The following B3GNT2 variants were observed in gnomAD, a reference collection of about 807,000 sequenced individuals.
B3GNT2 encodes the protein UDP-GlcNAc:betaGal beta-1,3-N-acetylglucosaminyltransferase 2, also known as N-acetyllactosaminide beta-1,3-N-acetylglucosaminyltransferase 2.
B3GNT2 carries 12 observed loss-of-function variants against 27.6 expected under a neutral mutation model. The ratio of observed to expected loss-of-function variants is 0.44; its 90% CI spans 0.28 to 0.71. The LOEUF (loss-of-function observed/expected upper bound fraction) is 0.71, where lower values mean the gene tolerates loss of function less well. B3GNT2 is among the 30% of genes least tolerant of loss of function. B3GNT2 has a pLI of 0.17. For missense variants in B3GNT2, 413 were observed against 488.5 expected (o/e 0.85, Z 1.46); for synonymous variants, 192 against 189.7 (o/e 1.01, Z -0.10).
chr2:62,223,571 G>C lies in B3GNT2; in HGVS notation c.*157G>C. The C allele has an allele frequency of 1.6e-6, 1 of 629,988 alleles. No homozygotes were observed. Among genetic ancestry groups the C allele is most frequent in the Non-Finnish European group, 2.7e-6 (1 of 364,998 alleles). 39.0% of individuals were successfully genotyped at this position (629,988 alleles called of 1,614,324 possible). A position where few individuals can be genotyped will look rare whatever the true frequency, so the allele number is the denominator to read the frequency against. ...CTAAACCCTTCAATTTGGTACTCAC[G>C]TGAAGAGGGAAAGCGGAAGATGGTA... On this transcript the variant is annotated 3_prime_UTR_variant, in exon 2 of 2. Transcript: ENST00000301998.
intron 1 of B3GNT2, among the ~76,000 whole-genome samples, chr2:62,204,340 C>T (rs1391229899): frequency 6.6e-6 from 1 of 152,228 alleles, no homozygotes; most frequent in African/African-American, 2.4e-5. Context: ...AAGCACTTAA[C>T]ATCCAACTGG....
chr2:62,207,992 A>C (rs751242813), intron 1 of B3GNT2, among the ~76,000 whole-genome samples: 1 of 152,188 alleles, frequency 6.6e-6, no homozygotes, highest in Non-Finnish European at 1.5e-5. Flanking sequence ...AGTGGAACTA[A>C]GTGGTGGGGA....
At chr2:62,198,857 T>C (rs1296461126) in intron 1 of B3GNT2, among the ~76,000 whole-genome samples, 1 of 152,246 alleles carries the variant, frequency 6.6e-6, no homozygotes, top group Non-Finnish European at 1.5e-5. Context: ...TGAAGAGAAA[T>C]ATGCAGGGCT....
intron 1 of B3GNT2, among the ~76,000 whole-genome samples, chr2:62,200,775 G>C (rs144045943): frequency 5.9e-5 from 9 of 152,210 alleles, no homozygotes; most frequent in Non-Finnish European, 1.3e-4. Context: ...TGTCATCATA[G>C]ATGGGTTTTA....
intron 1 of B3GNT2, among the ~76,000 whole-genome samples, chr2:62,213,079 C>T (rs1200299295): frequency 6.6e-6 from 1 of 152,196 alleles, no homozygotes; most frequent in Non-Finnish European, 1.5e-5. Context: ...AAAGGGACTG[C>T]TTGCATTCCG....
At chr2:62,208,597 A>G (rs1008504445) in intron 1 of B3GNT2, among the ~76,000 whole-genome samples, 3 of 152,238 alleles carry the variant, frequency 2.0e-5, no homozygotes, top group Non-Finnish European at 4.4e-5. Context: ...GAAGAGGGCC[A>G]GGACTGGCAC....
chr2:62,207,516 C>T (rs1049650401), intron 1 of B3GNT2, among the ~76,000 whole-genome samples: 8 of 152,046 alleles, frequency 5.3e-5, no homozygotes, highest in African/African-American at 1.7e-4. Flanking sequence ...ATCCGTGGTC[C>T]CCAGCCTTTT....
intron 1 of B3GNT2, among the ~76,000 whole-genome samples, chr2:62,205,055 G>A (rs2104189864): frequency 6.6e-6 from 1 of 152,342 alleles, no homozygotes. Context: ...CGCCCCCAGG[G>A]AGAGTGACAG....
At chr2:62,211,595 T>C (rs1674483921) in intron 1 of B3GNT2, among the ~76,000 whole-genome samples, 2 of 152,198 alleles carry the variant, frequency 1.3e-5, no homozygotes, top group Non-Finnish European at 2.9e-5. Flanking sequence ...GTTTTCTGTT[T>C]TAAGTAGAGG....
Position 62,223,157 on chromosome 2 carries a change from G to C in B3GNT2, c.937G>C (p.Gly313Arg). ...AGGGGGAGGGGGGTTCCTCTACTCC[G>C]GCCACCTGGCCCTGAGGCTGTACCA... Reference protein sequence around the residue: ...YAGGGGFLYSGHLALRLYHIT... With the variant: ...YAGGGGFLYSRHLALRLYHIT... Residue 313 changes from glycine (G) to arginine (R), a missense_variant, in exon 2 of 2, where the codon GGC becomes CGC. Transcript: ENST00000301998. 2 of 1,614,112 alleles carry C rather than the reference G, an allele frequency of 1.2e-6. No homozygotes were observed. The highest frequency in any genetic ancestry group is 1.7e-6 in the Non-Finnish European group (2 of 1,180,004).
At position 62,223,326 on chromosome 2, in the gene B3GNT2, A is replaced by T. The variant is rs755262144; in HGVS notation, c.1106A>T (p.Tyr369Phe). ...EEKNKNNICSYVDLMLVHSRK... is the reference protein window; with the variant it reads ...EEKNKNNICSFVDLMLVHSRK... Reference sequence around the variant, plus strand: ...AAAAACAAAAATAACATCTGCTCCTATGTAGATCTGATGTTAGTACATAGT... The same window carrying T: ...AAAAACAAAAATAACATCTGCTCCTTTGTAGATCTGATGTTAGTACATAGT... Residue 369 changes from tyrosine (Y) to phenylalanine (F), a missense_variant, in exon 2 of 2, where the codon TAT (tyrosine) becomes TTT (phenylalanine). Coordinates refer to ENST00000301998, the MANE Select transcript of B3GNT2 (RefSeq NM_006577.6). 1.2e-6 allele frequency: 2 copies of T among 1,613,800 alleles called. No homozygotes were observed. The highest frequency in any genetic ancestry group is 1.7e-6 in the Non-Finnish European group (2 of 1,179,866).
intron 1 of B3GNT2, among the ~76,000 whole-genome samples, chr2:62,209,199 C>G (rs1039506385): frequency 1.5e-4 from 23 of 152,218 alleles, no homozygotes; most frequent in African/African-American, 5.5e-4. Flanking sequence ...AGAATGGAAG[C>G]TATAGACTGT....
chr2:62,218,882 G>A (rs1429892470), intron 1 of B3GNT2, among the ~76,000 whole-genome samples: 1 of 152,210 alleles, frequency 6.6e-6, no homozygotes, highest in Non-Finnish European at 1.5e-5. Context: ...CTTGAGCCAA[G>A]GTGATGTGAG....
rs1674785980 is a variant in B3GNT2, at chr2:62,224,527, TAAATA to T, written c.*1117_*1121del. On this transcript the variant is annotated 3_prime_UTR_variant, in exon 2 of 2. Coordinates refer to ENST00000301998, the MANE Select transcript of B3GNT2 (RefSeq NM_006577.6). ...TTAAATGTTAAGGTGTAACATATGT[TAAATA>T]AAACTGTTATTTTTGAATTTTAAAA... 1 of 167,122 alleles carries T rather than the reference TAAATA, an allele frequency of 6.0e-6. No homozygotes were observed. The highest frequency in any genetic ancestry group is 2.1e-4 in the South Asian group (1 of 4,836). The allele number at this position is 167,122 out of a possible 1,614,324, so 10.4% of individuals were successfully genotyped here. A position where few individuals can be genotyped will look rare whatever the true frequency, so the allele number is the denominator to read the frequency against.
rs768496967 is a variant in B3GNT2 at position 62,222,841 on chromosome 2, C to T, written c.621C>T (p.Asp207=). Residue 207 remains aspartate (D), a synonymous_variant, in exon 2 of 2, where the codon GAC becomes GAT. Coordinates refer to ENST00000301998, the MANE Select transcript of B3GNT2 (RefSeq NM_006577.6). The surrounding 1 kb of genome is among the most constrained non-coding windows in gnomAD (Gnocchi z 4.2). ...AATTTGAGAGTGAGAAGCACCAAGA[C>T]ATTCTTATGTGGAACTACAGAGACA... ...MLKFESEKHQ[D]ILMWNYRDTF... is the part of the protein sequence containing the mutation. 22 of 1,614,046 alleles carry T rather than the reference C, an allele frequency of 1.4e-5. No homozygotes were observed. The East Asian group carries it at 3.6e-4, about 26-fold the overall frequency.
intron 1 of B3GNT2, among the ~76,000 whole-genome samples, chr2:62,198,463 C>T (rs1350305641): frequency 6.6e-6 from 1 of 152,172 alleles, no homozygotes; most frequent in Non-Finnish European, 1.5e-5. Context: ...ATCGACTTCC[C>T]CTTACCAAAA....
rs150393218 is a variant in B3GNT2, at chr2:62,224,493, CATG to C, written c.*1082_*1084del. On this transcript the variant is annotated 3_prime_UTR_variant, in exon 2 of 2. Coordinates refer to ENST00000301998, the MANE Select transcript of B3GNT2 (RefSeq NM_006577.6). ...TTGTTGATGAAATATTTAACTAGAG[CATG>C]ATATTTTAAATGTTAAGGTGTAACA... The C allele has an allele frequency of 3.8e-4, 64 of 167,022 alleles. 2 individuals are homozygous for C. In the East Asian group the frequency reaches 0.01, roughly 27 times the overall value. 10.3% of individuals were successfully genotyped at this position (167,022 alleles called of 1,614,324 possible). A position where few individuals can be genotyped will look rare whatever the true frequency, so the allele number is the denominator to read the frequency against.
At position 62,223,561 on chromosome 2, in the gene B3GNT2, T is replaced by G; in HGVS notation, c.*147T>G. On this transcript the variant is annotated 3_prime_UTR_variant, in exon 2 of 2. Coordinates refer to ENST00000301998, the MANE Select transcript of B3GNT2 (RefSeq NM_006577.6). ...TTGAGGGCCTCTAAACCCTTCAATT[T>G]GGTACTCACGTGAAGAGGGAAAGCG... is the stretch of plus-strand genomic sequence containing the variant. The G allele has an allele frequency of 1.5e-6, 1 of 680,398 alleles. No homozygotes were observed. Among genetic ancestry groups the G allele is most frequent in the Non-Finnish European group, 2.5e-6 (1 of 403,128 alleles). The allele number at this position is 680,398 out of a possible 1,614,324, so 42.1% of individuals were successfully genotyped here.
At position 62,222,626 on chromosome 2, in the gene B3GNT2, G is replaced by A; in HGVS notation, c.406G>A (p.Asp136Asn). The A allele has an allele frequency of 6.2e-7, 1 of 1,614,208 alleles. No individual in the cohort carries two copies. The highest frequency in any genetic ancestry group is 1.3e-5 in the African/African-American group (1 of 75,044). Residue 136 changes from aspartate (D) to asparagine (N), a missense_variant, in exon 2 of 2, where the codon GAT becomes AAT. Physicochemically the swap from Asp to Asn is conservative, Grantham distance 23. Transcript: ENST00000301998. This position sits in a 1 kb window ranked among gnomAD's most constrained non-coding sequence, Gnocchi z 4.2. ...TTATTCACTGCTTATAGATCAGCCGGATAAGTGTGCAAAGAAACCTTTCTT... is the reference window on the plus strand; with the variant it reads ...TTATTCACTGCTTATAGATCAGCCGAATAAGTGTGCAAAGAAACCTTTCTT... ...RNYSLLIDQP[D>N]KCAKKPFLLL...
Sources: allele counts gnomAD v4.1 joint callset (sites outside exome capture counted in the v4.1 genomes callset), GRCh38; gene constraint gnomAD v4.1.1; non-coding constraint Gnocchi (gnomAD v3.1); transcripts MANE v1.5; gene names NCBI Gene and HGNC (gene_info 2026-07-23, HGNC 2026-07-21).